The following DLG2 variants were observed in gnomAD, a reference collection of about 807,000 sequenced individuals.
DLG2 encodes disks large homolog 2.
In DLG2, 45 loss-of-function variants were observed where a neutral mutation model predicts 132.5. The ratio of observed to expected loss-of-function variants is 0.34; its 90% CI spans 0.27 to 0.44. The LOEUF (loss-of-function observed/expected upper bound fraction) is 0.44, where lower values mean the gene tolerates loss of function less well. DLG2 is among the 20% of genes least tolerant of loss of function. The pLI, the probability that DLG2 is intolerant of heterozygous loss-of-function variation, is 1.00. For missense variants in DLG2, 1,045 were observed against 1,196.9 expected (o/e 0.87, Z 1.87); for synonymous variants, 424 against 419.6 (o/e 1.01, Z -0.13).
chr11:85,384,629 C>T (rs1596732388), intron 3 of DLG2, among the ~76,000 whole-genome samples: 1 of 152,316 alleles, frequency 6.6e-6, no homozygotes. Context: ...AGTGCAGTTG[C>T]ATGAGCTTGG....
intron 9 of DLG2, among the ~76,000 whole-genome samples, chr11:84,102,422 C>G (rs982967081): frequency 2.0e-5 from 3 of 152,030 alleles, no homozygotes; most frequent in African/African-American, 7.2e-5. Context: ...TCAAAAAGGC[C>G]ACAATAGAAA....
intron 4 of DLG2, among the ~76,000 whole-genome samples, chr11:85,234,016 T>C (rs2075445154): frequency 6.6e-6 from 1 of 151,940 alleles, no homozygotes; most frequent in Non-Finnish European, 1.5e-5. Flanking sequence ...TTTAACAATA[T>C]TAATTGTGTT....
chr11:84,613,290 A>C (rs918561473), intron 6 of DLG2, among the ~76,000 whole-genome samples: 1 of 152,162 alleles, frequency 6.6e-6, no homozygotes, highest in African/African-American at 2.4e-5. Flanking sequence ...GTTTATCATA[A>C]CTATATTAGG....
chr11:83,537,917 G>A (rs919372483), intron 20 of DLG2, among the ~76,000 whole-genome samples: 7 of 148,102 alleles, frequency 4.7e-5, no homozygotes, highest in African/African-American at 1.7e-4. Context: ...TCTATGCTAA[G>A]AGTCCAGATT....
At chr11:85,396,174 G>A (rs1166330753) in intron 3 of DLG2, among the ~76,000 whole-genome samples, 1 of 152,186 alleles carries the variant, frequency 6.6e-6, no homozygotes. Flanking sequence ...ACCTGCAGCT[G>A]AGGGGTCTGA....
chr11:83,696,094 T>G (rs2081887793), intron 18 of DLG2, among the ~76,000 whole-genome samples: 1 of 152,140 alleles, frequency 6.6e-6, no homozygotes, highest in African/African-American at 2.4e-5. Context: ...GAAAATCACC[T>G]TGGCAACCAG....
chr11:85,167,183 G>A (rs184655948), intron 4 of DLG2, among the ~76,000 whole-genome samples: 139 of 152,204 alleles, frequency 9.1e-4, no homozygotes, highest in African/African-American at 3.2e-3. Context: ...CAGGTCACTG[G>A]GAAGCACTGC....
intron 18 of DLG2, among the ~76,000 whole-genome samples, chr11:83,751,580 T>A (rs1024280337): frequency 6.6e-6 from 1 of 152,130 alleles, no homozygotes; most frequent in Non-Finnish European, 1.5e-5. Flanking sequence ...TAAGAAATAG[T>A]CAAGCCCTGG....
intron 9 of DLG2, among the ~76,000 whole-genome samples, chr11:84,106,395 G>A (rs769628866): frequency 8.5e-5 from 13 of 152,134 alleles, no homozygotes; most frequent in Non-Finnish European, 1.2e-4. Flanking sequence ...ATGTGAAGGT[G>A]AGAAAATAAT....
At chr11:83,912,818 G>A (rs941867508) in intron 15 of DLG2, among the ~76,000 whole-genome samples, 4 of 151,990 alleles carry the variant, frequency 2.6e-5, no homozygotes, top group East Asian at 3.9e-4. Flanking sequence ...CTATGGACTC[G>A]AATTTGGGAA....
chr11:84,044,621 A>G (rs766921504), intron 11 of DLG2, among the ~76,000 whole-genome samples: 2 of 151,728 alleles, frequency 1.3e-5, no homozygotes, highest in Non-Finnish European at 2.9e-5. Context: ...ATTTTGTTAA[A>G]TGTCCTACAC....
At chr11:84,094,121 T>C (rs2097135363) in intron 10 of DLG2, among the ~76,000 whole-genome samples, 2 of 152,174 alleles carry the variant, frequency 1.3e-5, no homozygotes, top group East Asian at 1.9e-4. Context: ...GATAAAAACA[T>C]GGACACTGGA....
Position 83,962,972 on chromosome 11 carries a change from A to G in DLG2, c.1253T>C (p.Leu418Ser), listed in dbSNP as rs2089231798. The change falls in exon 14 of 28, where the codon TTA becomes TCA. Residue 418 changes from leucine to serine, a missense_variant. Around this residue, in one of 4 missense-constraint regions of DLG2, gnomAD observed 261 missense variants for 256.1 expected, o/e 1.02. Transcript: ENST00000376104. ...NHLLSGNNGT[L>S]EYKTSLPPIS... ...GGGTGGCAGGGAGGTTTTATATTCT[A>G]AAGTGCCATTGTTGCCAGAGAGTAG... 6.2e-7 allele frequency: 1 copy of G among 1,612,988 alleles called. No individual in the cohort carries two copies. Among genetic ancestry groups the G allele is most frequent in the Non-Finnish European group, 8.5e-7 (1 of 1,179,186 alleles).
At chr11:85,237,738 C>T (rs1477029584) in intron 4 of DLG2, among the ~76,000 whole-genome samples, 1 of 151,934 alleles carries the variant, frequency 6.6e-6, no homozygotes, top group Non-Finnish European at 1.5e-5. Context: ...GTCAGACTGA[C>T]AAAACAGGCT....
chr11:85,615,103 T>A (rs942211634), intron 2 of DLG2, among the ~76,000 whole-genome samples: 2 of 152,236 alleles, frequency 1.3e-5, no homozygotes, highest in African/African-American at 4.8e-5. Flanking sequence ...ATTAATAGTA[T>A]AAAACGGTAA....
At position 85,495,824 on chromosome 11, in the gene DLG2, G is replaced by A. The variant is rs186111688; in HGVS notation, c.40+102833C>T. On this transcript the variant is annotated intron_variant, in intron 3 of 27. Coordinates refer to ENST00000376104, the MANE Select transcript of DLG2 (RefSeq NM_001142699.3). ...ATAAATCATTCTATTATAAAGACATGCACACTTATGTTTATTGTGGCACTA... is the reference window on the plus strand; with the variant it reads ...ATAAATCATTCTATTATAAAGACATACACACTTATGTTTATTGTGGCACTA... 1.8e-3 allele frequency among the ~76,000 whole-genome samples: 269 copies of A among 152,228 alleles called. 1 individual carries two copies. The highest frequency in any genetic ancestry group is 6.3e-3 in the African/African-American group (261 of 41,540).
At chr11:84,870,987 A>T (rs1455717472) in intron 6 of DLG2, among the ~76,000 whole-genome samples, 1 of 152,238 alleles carries the variant, frequency 6.6e-6, no homozygotes, top group Non-Finnish European at 1.5e-5. Context: ...CCATCCTTTT[A>T]CAAAATGCAC....
intron 3 of DLG2, among the ~76,000 whole-genome samples, chr11:85,536,590 C>T (rs968464764): frequency 9.2e-5 from 14 of 152,336 alleles, no homozygotes; most frequent in African/African-American, 2.9e-4. Context: ...AGGCTGGAGC[C>T]GGCTCCCTCT....
At chr11:84,371,913 G>T (rs754286716) in intron 7 of DLG2, among the ~76,000 whole-genome samples, 1 of 152,114 alleles carries the variant, frequency 6.6e-6, no homozygotes, top group Admixed American at 6.6e-5. Flanking sequence ...ACGGAAAAGG[G>T]CAGTCATTTT....
Sources: allele counts gnomAD v4.1 joint callset (sites outside exome capture counted in the v4.1 genomes callset), GRCh38; gene constraint gnomAD v4.1.1; regional missense constraint gnomAD v4.1.1; transcripts MANE v1.5; gene names NCBI Gene and HGNC (gene_info 2026-07-23, HGNC 2026-07-21).